The following DGKI variants were observed in gnomAD, a reference collection of about 807,000 sequenced individuals.
The protein encoded by DGKI is diacylglycerol kinase iota, also known as DAG kinase iota.
A neutral mutation model predicts 147.5 loss-of-function variants in DGKI; 55 were observed. That is an observed-to-expected ratio of 0.37 (90% confidence interval 0.30 to 0.47). The LOEUF (loss-of-function observed/expected upper bound fraction) is 0.47. DGKI is among the 20% of genes least tolerant of loss of function. The probability of loss-of-function intolerance (pLI) is 1.00; values close to 1 mark genes in which losing one functional copy is unlikely to be tolerated. For synonymous variants in DGKI, 469 were observed against 477.1 expected (o/e 0.98, Z 0.22); for missense variants, 1,007 against 1,323.8 (o/e 0.76, Z 3.71).
chr7:137,466,872 C>T (rs1814680671), intron 25 of DGKI, 30 bp downstream of exon 25: 1 of 1,612,670 alleles, frequency 6.2e-7, no homozygotes, highest in African/African-American at 1.3e-5. Context: ...GAATTTTTCA[C>T]TTTCACAAGC....
At chr7:137,448,587 AAGGGAGGGAGGAAGGGAAGGAGG>A (rs1414766980) in intron 27 of DGKI, among the ~76,000 whole-genome samples, 1 of 75,800 alleles carries the variant, frequency 1.3e-5, no homozygotes, top group South Asian at 8.1e-4. Context: ...GGAGGGAAGG[AAGGGAGGGAGGAAGGGAAGGAGG>A]AGGGAGGGAA....
At chr7:137,691,912 T>C (rs1432952025) in intron 1 of DGKI, among the ~76,000 whole-genome samples, 1 of 150,942 alleles carries the variant, frequency 6.6e-6, no homozygotes. Flanking sequence ...GCTGGTAGCC[T>C]ACTTTCAAAA....
At chr7:137,800,004 A>G (rs939722242) in intron 1 of DGKI, among the ~76,000 whole-genome samples, 4 of 152,174 alleles carry the variant, frequency 2.6e-5, no homozygotes, top group African/African-American at 9.7e-5. Context: ...TAGAAATAAA[A>G]CAGGAAGCAA....
intron 28 of DGKI, among the ~76,000 whole-genome samples, chr7:137,439,773 A>C (rs1357390773): frequency 1.3e-5 from 2 of 152,060 alleles, no homozygotes; most frequent in Non-Finnish European, 2.9e-5. Context: ...CATGTCCACT[A>C]TGTTACTGCT....
intron 12 of DGKI, among the ~76,000 whole-genome samples, chr7:137,588,706 G>T (rs1248294553): frequency 6.6e-6 from 1 of 152,082 alleles, no homozygotes; most frequent in Non-Finnish European, 1.5e-5. Context: ...TCAATCTCCT[G>T]ACCTTGTGAT....
rs1335473450 is a variant in DGKI at position 137,385,933 on chromosome 7, T to C, written c.*5287A>G. ...CAGCTTCATGAAATCAAGAGTTTTG[T>C]CTATTACATTCATTGTTATATCCTT... On this transcript the variant is annotated 3_prime_UTR_variant, in exon 33 of 33. Transcript: ENST00000614521. 1 of 152,090 alleles carries C rather than the reference T, an allele frequency of 6.6e-6. No individual in the cohort carries two copies. Among genetic ancestry groups the C allele is most frequent in the Non-Finnish European group, 1.5e-5 (1 of 67,992 alleles). The allele number at this position is 152,090 out of a possible 1,614,324, so 9.4% of individuals were successfully genotyped here. A position where few individuals can be genotyped will look rare whatever the true frequency, so the allele number is the denominator to read the frequency against.
chr7:137,795,692 A>G (rs1264281875), intron 1 of DGKI, among the ~76,000 whole-genome samples: 1 of 152,222 alleles, frequency 6.6e-6, no homozygotes, highest in East Asian at 1.9e-4. Context: ...CCCAGGAAGG[A>G]TCTGAGAAGA....
Position 137,517,167 on chromosome 7 carries a change from C to A in DGKI, c.2248+4699G>T, listed in dbSNP as rs190526831. On this transcript the variant is annotated intron_variant, in intron 21 of 32. Coordinates refer to ENST00000614521, the MANE Select transcript of DGKI (RefSeq NM_001321708.2). ...TATTCTACAGGAAGCAGTATTCCCC[C>A]AAAACCATCAAGGTCATAAGAAAAA... is the stretch of plus-strand genomic sequence containing the variant. Among the ~76,000 whole-genome samples the A allele has an allele frequency of 2.8e-5, 4 of 144,028 alleles. No homozygotes were observed. The East Asian group carries it at 8.1e-4, about 29-fold the overall frequency. 94.5% of individuals were successfully genotyped at this position (144,028 alleles called of 152,430 possible). A position where few individuals can be genotyped will look rare whatever the true frequency, so the allele number is the denominator to read the frequency against.
chr7:137,689,576 G>T (rs767482713), intron 2 of DGKI, among the ~76,000 whole-genome samples: 2 of 152,154 alleles, frequency 1.3e-5, no homozygotes, highest in Non-Finnish European at 2.9e-5. Context: ...TTGCACTAAG[G>T]GTAAGCTCAA....
In DGKI at chr7:137,422,595, C is replaced by CTTT. The variant is rs60494368; in HGVS notation, c.2762-10391_2762-10389dup. Reference sequence around the variant, plus strand: ...TTGTAAAGCATTTTCTTTTTCTTTTCTTTTTTTTTTTTTTTTTTTTTTTTT... The same window carrying CTTT: ...TTGTAAAGCATTTTCTTTTTCTTTTCTTTTTTTTTTTTTTTTTTTTTTTTTTTT... On this transcript the variant is annotated intron_variant, in intron 28 of 32. Transcript: ENST00000614521. Among the ~76,000 whole-genome samples, 276 of 61,984 alleles carry CTTT rather than the reference C, an allele frequency of 4.5e-3. 31 individuals are homozygous for CTTT. Among genetic ancestry groups the CTTT allele is most frequent in the African/African-American group, 0.016 (244 of 15,402 alleles). 40.7% of individuals were successfully genotyped at this position (61,984 alleles called of 152,430 possible).
intron 23 of DGKI, among the ~76,000 whole-genome samples, chr7:137,474,311 T>C (rs983769213): frequency 4.6e-5 from 7 of 152,210 alleles, no homozygotes; most frequent in African/African-American, 1.4e-4. Context: ...ATCGGGACAC[T>C]AAAAATTGGA....
chr7:137,755,134 C>T (rs1252813077), intron 1 of DGKI, among the ~76,000 whole-genome samples: 1 of 152,036 alleles, frequency 6.6e-6, no homozygotes, highest in East Asian at 1.9e-4. Context: ...ATATATTAGA[C>T]CCTGCAGCTA....
At chr7:137,834,012 TTCATTATCCTGTGCC>T (rs1798295020) in intron 1 of DGKI, among the ~76,000 whole-genome samples, 1 of 152,240 alleles carries the variant, frequency 6.6e-6, no homozygotes, top group South Asian at 2.1e-4. Context: ...GACATATTAC[TTCATTATCCTGTGCC>T]TCAGTTTCCT....
intron 21 of DGKI, among the ~76,000 whole-genome samples, chr7:137,489,116 A>C (rs1459062436): frequency 1.3e-5 from 2 of 152,206 alleles, no homozygotes; most frequent in African/African-American, 4.8e-5. Context: ...CTGCATACAT[A>C]AATCTTTAAG....
At chr7:137,670,946 C>T (rs542651077) in intron 3 of DGKI, among the ~76,000 whole-genome samples, 7 of 152,288 alleles carry the variant, frequency 4.6e-5, no homozygotes, top group Admixed American at 2.0e-4. Flanking sequence ...GACCTGAATA[C>T]GCAGATGGCC....
At chr7:137,430,430 G>T (rs1291456401) in intron 28 of DGKI, among the ~76,000 whole-genome samples, 3 of 150,606 alleles carry the variant, frequency 2.0e-5, no homozygotes, top group Admixed American at 1.3e-4. Context: ...GGGAGGGATG[G>T]CATTAGGAGA....
chr7:137,827,139 G>A (rs1451116278), intron 1 of DGKI, among the ~76,000 whole-genome samples: 1 of 152,102 alleles, frequency 6.6e-6, no homozygotes, highest in Non-Finnish European at 1.5e-5. Flanking sequence ...GCATGGCAGG[G>A]TGGAGGTGTC....
intron 1 of DGKI, among the ~76,000 whole-genome samples, chr7:137,733,791 T>C (rs1001512911): frequency 2.0e-5 from 3 of 151,914 alleles, no homozygotes. Context: ...TTTTAAGAGA[T>C]TGGTGAAGAC....
At chr7:137,404,512 A>T (rs1307682099) in intron 30 of DGKI, among the ~76,000 whole-genome samples, 1 of 152,204 alleles carries the variant, frequency 6.6e-6, no homozygotes. Context: ...TGGACTGAAC[A>T]TCATAATAAC....
Sources: allele counts gnomAD v4.1 joint callset (sites outside exome capture counted in the v4.1 genomes callset), GRCh38; gene constraint gnomAD v4.1.1; transcripts MANE v1.5; gene names NCBI Gene and HGNC (gene_info 2026-07-23, HGNC 2026-07-21).